Variants in PRR5L observed in about 807,000 individuals in gnomAD.
PRR5L encodes the protein proline rich 5 like, also known as proline-rich protein 5-like.
PRR5L carries 21 observed loss-of-function variants against 36.4 expected under a neutral mutation model. That is an observed-to-expected ratio of 0.58 (90% CI 0.41 to 0.83). The LOEUF (loss-of-function observed/expected upper bound fraction) is 0.83. PRR5L is among the 40% of genes least tolerant of loss of function. PRR5L has a pLI of 0.00. For synonymous variants in PRR5L, 188 were observed against 197.0 expected (o/e 0.95, Z 0.38); for missense variants, 381 against 473.3 (o/e 0.80, Z 1.81).
At chr11:36,384,951 A>G (rs1383150164) in intron 1 of PRR5L, among the ~76,000 whole-genome samples, 1 of 151,946 alleles carries the variant, frequency 6.6e-6, no homozygotes, top group East Asian at 1.9e-4. Context: ...GATTATAGGC[A>G]TGAGGCACTG....
chr11:36,375,458 G>T (rs975808717), intron 1 of PRR5L, among the ~76,000 whole-genome samples: 1 of 152,064 alleles, frequency 6.6e-6, no homozygotes, highest in South Asian at 2.1e-4. Context: ...TTGTAGGGTC[G>T]CAATGACCAA....
intron 1 of PRR5L, among the ~76,000 whole-genome samples, chr11:36,303,439 C>A (rs1437312541): frequency 6.6e-6 from 1 of 152,212 alleles, no homozygotes; most frequent in Non-Finnish European, 1.5e-5. Context: ...ACCATAACAT[C>A]CCCTTCAACT....
intron 1 of PRR5L, among the ~76,000 whole-genome samples, chr11:36,311,566 G>A (rs1856503280): frequency 6.6e-6 from 1 of 152,196 alleles, no homozygotes; most frequent in South Asian, 2.1e-4. Context: ...AAGACATTAA[G>A]CACTAATGCT....
intron 1 of PRR5L, among the ~76,000 whole-genome samples, chr11:36,340,307 G>A (rs11033562): frequency 0.022 from 3,353 of 152,252 alleles, 77 homozygotes; most frequent in East Asian, 0.098. Flanking sequence ...TATGCCCATG[G>A]GCTCAGGCTG....
chr11:36,431,970 A>G lies in PRR5L; in HGVS notation c.352+60A>G, dbSNP rs1858506454. On this transcript the variant is annotated intron_variant, in intron 5 of 8. Transcript: ENST00000530639. ...CTGTGACTCAGTCTTTGATGTCTGGACGGCTGAGATGCTTCTGTCCAGAAG... is the reference window on the plus strand; with the variant it reads ...CTGTGACTCAGTCTTTGATGTCTGGGCGGCTGAGATGCTTCTGTCCAGAAG... 3.5e-6 allele frequency: 5 copies of G among 1,449,100 alleles called. No individual in the cohort carries two copies. The Admixed American group carries it at 5.0e-5, about 15-fold the overall frequency. The allele number at this position is 1,449,100 out of a possible 1,614,324, so 89.8% of individuals were successfully genotyped here.
At chr11:36,355,025 C>T (rs1299315293) in intron 1 of PRR5L, among the ~76,000 whole-genome samples, 1 of 152,098 alleles carries the variant, frequency 6.6e-6, no homozygotes, top group Non-Finnish European at 1.5e-5. Flanking sequence ...ATAGGCATTC[C>T]GTGAGGCTAA....
chr11:36,457,793 C>T (rs1383940458), intron 8 of PRR5L, among the ~76,000 whole-genome samples: 1 of 152,208 alleles, frequency 6.6e-6, no homozygotes, highest in Non-Finnish European at 1.5e-5. Context: ...AGGTCTCGTC[C>T]TGTCTCCTGC....
chr11:36,355,218 A>G (rs1488063294), intron 1 of PRR5L, among the ~76,000 whole-genome samples: 3 of 152,220 alleles, frequency 2.0e-5, no homozygotes, highest in African/African-American at 7.2e-5. Flanking sequence ...ACGGTGGCAA[A>G]GAGAAACATA....
chr11:36,306,683 A>C (rs1856436003), intron 1 of PRR5L, among the ~76,000 whole-genome samples: 1 of 152,182 alleles, frequency 6.6e-6, no homozygotes, highest in Non-Finnish European at 1.5e-5. Context: ...AGGCTTTACC[A>C]ATGCACCCTC....
intron 1 of PRR5L, among the ~76,000 whole-genome samples, chr11:36,365,776 C>A (rs781081053): frequency 6.6e-6 from 1 of 152,114 alleles, no homozygotes; most frequent in African/African-American, 2.4e-5. Flanking sequence ...AGAATTGAAG[C>A]AGATGTTGAG....
intron 1 of PRR5L, among the ~76,000 whole-genome samples, chr11:36,374,105 CCT>C (rs761022162): frequency 1.6e-4 from 11 of 67,810 alleles, no homozygotes; most frequent in African/African-American, 4.8e-4. Context: ...TTCCTTCCTT[CCT>C]CTCTCTCTCT....
chr11:36,427,938 A>G (rs1858415629), intron 4 of PRR5L, among the ~76,000 whole-genome samples: 1 of 152,238 alleles, frequency 6.6e-6, no homozygotes, highest in African/African-American at 2.4e-5. Flanking sequence ...AAGAGATTGC[A>G]CATCTGCACT....
intron 1 of PRR5L, among the ~76,000 whole-genome samples, chr11:36,357,537 A>G (rs1248525016): frequency 6.6e-6 from 1 of 152,318 alleles, no homozygotes; most frequent in African/African-American, 2.4e-5. Context: ...AGTGACTTTA[A>G]GTTGAAGTCA....
rs995186569 is a variant in PRR5L at position 36,462,986 on chromosome 11, C to T, written c.*250C>T. On this transcript the variant is annotated 3_prime_UTR_variant, in exon 9 of 9. Transcript: ENST00000530639. ...CCTAATGGTCACTTTCTGACTCCAG[C>T]CTTGCCAGCCTGACTCAGATCCTCA... 1.3e-5 allele frequency: 5 copies of T among 399,202 alleles called. No homozygotes were observed. The Admixed American group carries it at 1.7e-4, about 13-fold the overall frequency. The allele number at this position is 399,202 out of a possible 1,614,324, so 24.7% of individuals were successfully genotyped here.
chr11:36,297,044 T>C (rs1856318816), intron 1 of PRR5L, among the ~76,000 whole-genome samples: 1 of 152,252 alleles, frequency 6.6e-6, no homozygotes, highest in African/African-American at 2.4e-5. Flanking sequence ...GCATTCTAAC[T>C]GTTTTGCAGC....
intron 1 of PRR5L, among the ~76,000 whole-genome samples, chr11:36,320,789 A>C (rs1856607513): frequency 6.6e-6 from 1 of 152,132 alleles, no homozygotes; most frequent in South Asian, 2.1e-4. Context: ...AAATTCTTGG[A>C]ATCTTTGTTT....
chr11:36,373,007 T>TGTGTGTGTGTG (rs397722885), intron 1 of PRR5L, among the ~76,000 whole-genome samples: 2 of 151,024 alleles, frequency 1.3e-5, no homozygotes, highest in African/African-American at 4.9e-5. Context: ...TGTGTGTGTG[T>TGTGTGTGTGTG]TCACATTCCT....
chr11:36,340,216 A>G (rs1396946837), intron 1 of PRR5L, among the ~76,000 whole-genome samples: 13 of 152,176 alleles, frequency 8.5e-5, no homozygotes, highest in Non-Finnish European at 1.5e-5. Context: ...TGTTGTCAGC[A>G]TTTGCAAATT....
chr11:36,413,109 C>G (rs1779868364), intron 3 of PRR5L, among the ~76,000 whole-genome samples: 1 of 152,076 alleles, frequency 6.6e-6, no homozygotes, highest in African/African-American at 2.4e-5. Flanking sequence ...TCCTTATAAA[C>G]CAATGCAAGC....
Sources: allele counts gnomAD v4.1 joint callset (sites outside exome capture counted in the v4.1 genomes callset), GRCh38; gene constraint gnomAD v4.1.1; transcripts MANE v1.5; gene names NCBI Gene and HGNC (gene_info 2026-07-23, HGNC 2026-07-21).